Variants in GRM7 observed in about 807,000 individuals in gnomAD.
The protein encoded by GRM7 is glutamate metabotropic receptor 7.
A neutral mutation model predicts 84.5 loss-of-function variants in GRM7; 35 were observed. The observed-to-expected ratio is 0.41, with a 90% CI of 0.32 to 0.55. GRM7 has a LOEUF of 0.55. GRM7 is among the 20% of genes least tolerant of loss of function. The pLI is 0.19. For synonymous variants in GRM7, 487 were observed against 455.1 expected, an observed-to-expected ratio of 1.07 and a Z score of -0.89; for missense variants, 1,003 against 1,194.6, an observed-to-expected ratio of 0.84 and a Z score of 2.36.
chr3:7,720,069 T>G (rs1045003654), intron 9 of GRM7, among the ~76,000 whole-genome samples: 1 of 152,114 alleles, frequency 6.6e-6, no homozygotes, highest in African/African-American at 2.4e-5. Flanking sequence ...ACATACAGCA[T>G]CACACTGGAT....
intron 7 of GRM7, among the ~76,000 whole-genome samples, chr3:7,477,213 A>T (rs1698957513): frequency 6.6e-6 from 1 of 151,672 alleles, no homozygotes; most frequent in Admixed American, 6.6e-5. Context: ...TTCTGGTGGA[A>T]TTTTTTTTTA....
intron 4 of GRM7, among the ~76,000 whole-genome samples, chr3:7,367,302 T>C (rs1207490807): frequency 6.6e-6 from 1 of 150,730 alleles, no homozygotes; most frequent in Non-Finnish European, 1.5e-5. Flanking sequence ...TTTCCAGTGA[T>C]TTTTTTTTGC....
At chr3:7,735,265 T>G (rs1702466481) in intron 9 of GRM7, among the ~76,000 whole-genome samples, 1 of 152,160 alleles carries the variant, frequency 6.6e-6, no homozygotes, top group Non-Finnish European at 1.5e-5. Flanking sequence ...TAATCCAACA[T>G]GCAGAAGTTT....
intron 9 of GRM7, among the ~76,000 whole-genome samples, chr3:7,705,798 G>C (rs955297955): frequency 1.3e-5 from 2 of 152,202 alleles, no homozygotes; most frequent in African/African-American, 4.8e-5. Flanking sequence ...TTGCAGACCA[G>C]TTCAGGAATG....
chr3:7,696,556 A>G (rs1412102158), intron 9 of GRM7, among the ~76,000 whole-genome samples: 2 of 152,196 alleles, frequency 1.3e-5, no homozygotes, highest in Admixed American at 6.5e-5. Context: ...ATTCAAGGAT[A>G]TGAACAGAGG....
At chr3:7,642,490 T>C (rs1245636181) in intron 8 of GRM7, among the ~76,000 whole-genome samples, 2 of 152,168 alleles carry the variant, frequency 1.3e-5, no homozygotes, top group African/African-American at 2.4e-5. Flanking sequence ...TCATCATGCC[T>C]TGCCTAGAAA....
chr3:7,071,342 C>T (rs2124984038), intron 1 of GRM7, among the ~76,000 whole-genome samples: 1 of 152,228 alleles, frequency 6.6e-6, no homozygotes, highest in East Asian at 1.9e-4. Context: ...AACATCTGAG[C>T]CTGAGGGATT....
At chr3:7,703,149 A>AGAAGCATTGCTGCAAT (rs1239824822) in intron 9 of GRM7, among the ~76,000 whole-genome samples, 4 of 152,128 alleles carry the variant, frequency 2.6e-5, no homozygotes, top group Non-Finnish European at 5.9e-5. Context: ...GCTAGAACTG[A>AGAAGCATTGCTGCAAT]GAAGCATTGC....
At chr3:7,121,978 C>G (rs1693241236) in intron 1 of GRM7, among the ~76,000 whole-genome samples, 1 of 152,192 alleles carries the variant, frequency 6.6e-6, no homozygotes, top group South Asian at 2.1e-4. Context: ...CTCTCTCTGT[C>G]TCACATGCTC....
At chr3:7,655,120 G>A (rs182555381) in intron 8 of GRM7, among the ~76,000 whole-genome samples, 46 of 152,328 alleles carry the variant, frequency 3.0e-4, no homozygotes, top group Admixed American at 1.8e-3. Context: ...AGGGACATCT[G>A]TGGTGGGTTA....
intron 1 of GRM7, among the ~76,000 whole-genome samples, chr3:7,009,113 A>T (rs983477818): frequency 6.6e-6 from 1 of 152,206 alleles, no homozygotes; most frequent in African/African-American, 2.4e-5. Flanking sequence ...AGACAAATAG[A>T]TCTGCTTTAT....
chr3:7,190,502 A>G (rs952774005), intron 2 of GRM7, among the ~76,000 whole-genome samples: 3 of 151,932 alleles, frequency 2.0e-5, no homozygotes, highest in African/African-American at 7.3e-5. Flanking sequence ...TGTTTGCCTG[A>G]ATTTGGAGGC....
intron 5 of GRM7, among the ~76,000 whole-genome samples, chr3:7,448,627 C>G (rs199590810): frequency 1.3e-5 from 2 of 152,148 alleles, no homozygotes; most frequent in East Asian, 3.9e-4. Flanking sequence ...TTTTATAAAA[C>G]ATAAACTTGT....
At chr3:6,998,818 G>A (rs766653900) in intron 1 of GRM7, among the ~76,000 whole-genome samples, 1 of 152,180 alleles carries the variant, frequency 6.6e-6, no homozygotes, top group Non-Finnish European at 1.5e-5. Context: ...TGGGATGCAG[G>A]GCACCATGAC....
chr3:7,634,821 A>T (rs1698015348), intron 8 of GRM7, among the ~76,000 whole-genome samples: 1 of 152,096 alleles, frequency 6.6e-6, no homozygotes. Context: ...AAGAAAAAGA[A>T]AAAAGAAATC....
chr3:7,515,954 G>T lies in GRM7; in HGVS notation c.1515+54232G>T, dbSNP rs1700360184. On this transcript the variant is annotated intron_variant, in intron 7 of 9. Coordinates refer to ENST00000357716, the MANE Select transcript of GRM7 (RefSeq NM_000844.4). ...ATCCAGTTGTTCAAGACGAGCCTGGGAAACATAGGGAGACCCTGTCTCTAC... is the reference window on the plus strand; with the variant it reads ...ATCCAGTTGTTCAAGACGAGCCTGGTAAACATAGGGAGACCCTGTCTCTAC... Among the ~76,000 whole-genome samples the T allele has an allele frequency of 1.3e-5, 2 of 151,810 alleles. 1 individual carries two copies. The highest frequency in any genetic ancestry group is 4.2e-4 in the South Asian group (2 of 4,796).
chr3:7,025,778 G>A (rs1367402535), intron 1 of GRM7, among the ~76,000 whole-genome samples: 1 of 152,120 alleles, frequency 6.6e-6, no homozygotes, highest in Non-Finnish European at 1.5e-5. Context: ...CTCATTAGAG[G>A]GGATTAGTAA....
chr3:7,278,423 T>C (rs763416416), intron 2 of GRM7, among the ~76,000 whole-genome samples: 1 of 152,110 alleles, frequency 6.6e-6, no homozygotes, highest in Non-Finnish European at 1.5e-5. Context: ...AACTGTGCAG[T>C]ATGCCCACGT....
chr3:7,709,299 T>G (rs1468871146), intron 9 of GRM7, among the ~76,000 whole-genome samples: 1 of 152,200 alleles, frequency 6.6e-6, no homozygotes, highest in Non-Finnish European at 1.5e-5. Flanking sequence ...CATGCATGTA[T>G]TTCTTGTTTA....
Sources: gnomAD v4.1 joint callset for allele counts (sites outside exome capture counted in the v4.1 genomes callset) on GRCh38, gnomAD v4.1.1 for gene constraint, MANE v1.5 for transcripts, NCBI Gene and HGNC (gene_info 2026-07-23, HGNC 2026-07-21) for gene names.